The following FHIT variants were observed in gnomAD, a reference collection of about 807,000 sequenced individuals.
The protein encoded by FHIT is fragile histidine triad diadenosine triphosphatase.
FHIT carries 19 observed loss-of-function variants against 17.9 expected under a neutral mutation model. The ratio of observed to expected loss-of-function variants is 1.06; its 90% CI spans 0.74 to 1.56. The LOEUF (loss-of-function observed/expected upper bound fraction) is 1.56, where lower values mean the gene tolerates loss of function less well. Ranked by LOEUF, FHIT falls within the 40% of genes most tolerant of loss-of-function variation. FHIT has a pLI of 0.00. For missense variants in FHIT, 248 were observed against 189.2 expected (o/e 1.31, Z -1.82); for synonymous variants, 81 against 69.7 (o/e 1.16, Z -0.81).
intron 5 of FHIT, among the ~76,000 whole-genome samples, chr3:60,073,757 A>T (rs1702885395): frequency 6.6e-6 from 1 of 152,200 alleles, no homozygotes; most frequent in East Asian, 1.9e-4. Flanking sequence ...ACTCACTGGA[A>T]AAAATCACTC....
chr3:60,258,570 T>G (rs1559768015), intron 5 of FHIT, among the ~76,000 whole-genome samples: 1 of 120,300 alleles, frequency 8.3e-6, no homozygotes, highest in Non-Finnish European at 2.2e-5. Context: ...ATTGTGATAG[T>G]AGTATAGGGG....
intron 1 of FHIT, among the ~76,000 whole-genome samples, chr3:61,207,827 G>A (rs2039301422): frequency 6.6e-6 from 1 of 152,060 alleles, no homozygotes; most frequent in East Asian, 1.9e-4. Flanking sequence ...CTTCAGTTCT[G>A]CTCTGATTTT....
chr3:60,071,548 C>T (rs1274620154), intron 5 of FHIT, among the ~76,000 whole-genome samples: 2 of 152,108 alleles, frequency 1.3e-5, no homozygotes, highest in Non-Finnish European at 1.5e-5. Context: ...GCATGCCTGA[C>T]TGCTGTTCAC....
chr3:60,069,455 A>G (rs910733169), intron 5 of FHIT, among the ~76,000 whole-genome samples: 17 of 152,244 alleles, frequency 1.1e-4, no homozygotes, highest in African/African-American at 4.1e-4. Context: ...ACATATATTC[A>G]TTGAGCACAT....
At chr3:61,171,984 C>G (rs1554601) in intron 2 of FHIT, among the ~76,000 whole-genome samples, 70,661 of 151,946 alleles carry the variant, frequency 0.47, 17,297 homozygotes, top group East Asian at 0.87. Context: ...TAGAGATGGA[C>G]GGGGGAAAAG....
chr3:60,954,718 A>G (rs1019604078), intron 3 of FHIT, among the ~76,000 whole-genome samples: 1 of 152,216 alleles, frequency 6.6e-6, no homozygotes, highest in Admixed American at 6.5e-5. Context: ...TGCAAATTGG[A>G]TAATACCCAG....
chr3:61,015,017 G>C, intron 3 of FHIT, among the ~76,000 whole-genome samples: 1 of 151,494 alleles, frequency 6.6e-6, no homozygotes, highest in East Asian at 1.9e-4. Flanking sequence ...ACAAAACAAT[G>C]AGGTTACTAG....
chr3:60,384,836 TAAAA>T (rs5849358), intron 5 of FHIT, among the ~76,000 whole-genome samples: 1 of 135,466 alleles, frequency 7.4e-6, no homozygotes. Flanking sequence ...TTCACATTAG[TAAAA>T]AAAAAAAAAA....
At chr3:60,397,656 C>T (rs191276588) in intron 5 of FHIT, among the ~76,000 whole-genome samples, 441 of 152,226 alleles carry the variant, frequency 2.9e-3, no homozygotes, top group African/African-American at 1.0e-2. Flanking sequence ...CGACAGGAGG[C>T]GGCCAAATGC....
At position 60,864,797 on chromosome 3, in the gene FHIT, G is replaced by C. The variant is rs552274313; in HGVS notation, c.-110-42786C>G. Among the ~76,000 whole-genome samples the C allele has an allele frequency of 6.6e-5, 10 of 152,238 alleles. No homozygotes were observed. In the East Asian group the frequency reaches 1.7e-3, roughly 26 times the overall value. ...ATTAGTGGACACTCTTAGGAACGCAGTGTATAGCCCACAAGTATAATGACA... is the reference window on the plus strand; with the variant it reads ...ATTAGTGGACACTCTTAGGAACGCACTGTATAGCCCACAAGTATAATGACA... On this transcript the variant is annotated intron_variant, in intron 3 of 9. Coordinates refer to ENST00000492590, the MANE Select transcript of FHIT (RefSeq NM_002012.4).
intron 3 of FHIT, among the ~76,000 whole-genome samples, chr3:60,879,171 T>C (rs1704836794): frequency 6.6e-6 from 1 of 152,224 alleles, no homozygotes; most frequent in African/African-American, 2.4e-5. Context: ...GACTTTTTAA[T>C]GATCGCCATT....
intron 4 of FHIT, among the ~76,000 whole-genome samples, chr3:60,735,043 T>A (rs1360037859): frequency 6.6e-6 from 1 of 152,212 alleles, no homozygotes. Flanking sequence ...CAATTACCTT[T>A]AACTATAAGA....
At chr3:60,961,966 G>A (rs182352312) in intron 3 of FHIT, among the ~76,000 whole-genome samples, 3 of 152,220 alleles carry the variant, frequency 2.0e-5, no homozygotes, top group Non-Finnish European at 2.9e-5. Flanking sequence ...TTCTGTGAAG[G>A]AAGTCATTGG....
chr3:60,187,000 T>C (rs1156870529), intron 5 of FHIT, among the ~76,000 whole-genome samples: 1 of 152,156 alleles, frequency 6.6e-6, no homozygotes, highest in Non-Finnish European at 1.5e-5. Context: ...CCGTAGAGTG[T>C]TGAGGCCTAT....
At chr3:60,822,820 G>A (rs2106775693) in intron 3 of FHIT, among the ~76,000 whole-genome samples, 1 of 152,258 alleles carries the variant, frequency 6.6e-6, no homozygotes, top group Admixed American at 6.5e-5. Context: ...GGAGGCTATT[G>A]AGACCTTGCT....
intron 3 of FHIT, among the ~76,000 whole-genome samples, chr3:60,938,474 A>G (rs1708284250): frequency 6.6e-6 from 1 of 152,210 alleles, no homozygotes; most frequent in South Asian, 2.1e-4. Flanking sequence ...CCAGAATGTC[A>G]AAGTAGTAGT....
intron 4 of FHIT, among the ~76,000 whole-genome samples, chr3:60,684,103 A>C (rs2040809896): frequency 6.6e-6 from 1 of 152,116 alleles, no homozygotes; most frequent in Non-Finnish European, 1.5e-5. Context: ...AATAAAAAAT[A>C]ACCACAAACT....
chr3:60,443,808 A>T (rs2031110431), intron 5 of FHIT, among the ~76,000 whole-genome samples: 1 of 152,134 alleles, frequency 6.6e-6, no homozygotes, highest in Non-Finnish European at 1.5e-5. Context: ...TAAAACACCA[A>T]AAGCAATGGC....
At chr3:60,609,022 GAAA>G (rs35545161) in intron 4 of FHIT, among the ~76,000 whole-genome samples, 1 of 141,626 alleles carries the variant, frequency 7.1e-6, no homozygotes, top group Admixed American at 7.0e-5. Context: ...GCACAATTTG[GAAA>G]AAAAAAAAAA....
Sources: allele counts gnomAD v4.1 joint callset (sites outside exome capture counted in the v4.1 genomes callset), GRCh38; gene constraint gnomAD v4.1.1; transcripts MANE v1.5; gene names NCBI Gene and HGNC (gene_info 2026-07-23, HGNC 2026-07-21).